Variants in MAP1A observed in about 807,000 individuals in gnomAD.
The protein encoded by MAP1A is microtubule-associated protein 1A.
A neutral mutation model predicts 185.9 loss-of-function variants in MAP1A; 42 were observed. That is an observed-to-expected ratio of 0.23 (90% CI 0.18 to 0.29). MAP1A has a LOEUF of 0.29. MAP1A is among the 10% of genes least tolerant of loss of function. The pLI, the probability that MAP1A is intolerant of heterozygous loss-of-function variation, is 1.00. For synonymous variants in MAP1A, 1,229 were observed against 1,335.9 expected (o/e 0.92, Z 1.74); for missense variants, 2,995 against 3,450.4 (o/e 0.87, Z 3.31).
In MAP1A at chr15:43,527,426, A is replaced by C; in HGVS notation, c.5953A>C (p.Thr1985Pro). The C allele has an allele frequency of 6.2e-7, 1 of 1,614,160 alleles. No homozygotes were observed. Among genetic ancestry groups the C allele is most frequent in the South Asian group, 1.1e-5 (1 of 91,084 alleles). ...TACTGGGCTTGGCCCTGCATGCCCC[A>C]CTAGAGAGCCTCCACTTGGAGCAGC... ...MLTGLGPACP[T>P]REPPLGAAGD... Residue 1985 changes from threonine to proline, a missense_variant, in exon 4 of 6, where the codon ACT (threonine) becomes CCT (proline). Coordinates refer to ENST00000300231, the MANE Select transcript of MAP1A (RefSeq NM_002373.6).
Position 43,521,714 on chromosome 15 carries a change from C to T in MAP1A, c.241C>T (p.Arg81Cys), listed in dbSNP as rs755992148. 11 of 1,614,032 alleles carry T rather than the reference C, an allele frequency of 6.8e-6. No individual in the cohort carries two copies. Among genetic ancestry groups the T allele is most frequent in the Admixed American group, 5.0e-5 (3 of 59,990 alleles). Reference sequence around the variant, plus strand: ...TTGGAAGCTGGTACGGCACTTGGACCGCATTGACTCGGTGCTACTCACACA... The same window carrying T: ...TTGGAAGCTGGTACGGCACTTGGACTGCATTGACTCGGTGCTACTCACACA... ...CFWKLVRHLD[R>C]IDSVLLTHIG... The change falls in exon 4 of 6, where the codon CGC becomes TGC. Residue 81 changes from arginine to cysteine, a missense_variant. By Grantham distance (180) the Arg-to-Cys change is radical (BLOSUM62 -3). Coordinates refer to ENST00000300231, the MANE Select transcript of MAP1A (RefSeq NM_002373.6). The surrounding 1 kb of genome is among the most constrained non-coding windows in gnomAD (Gnocchi z 4.6).
rs2079360096 is a variant in MAP1A, at chr15:43,529,127, C to T, written c.7654C>T (p.His2552Tyr). The change falls in exon 4 of 6, where the codon CAC (histidine) becomes TAC (tyrosine). Residue 2552 changes from histidine (H) to tyrosine (Y), a missense_variant. Physicochemically the swap from His to Tyr is moderately conservative, Grantham distance 83 (BLOSUM62 2). Around this residue, in one of 3 missense-constraint regions of MAP1A, gnomAD observed 2,728 missense variants for 2,986.0 expected, o/e 0.91. Transcript: ENST00000300231. This position sits in a 1 kb window ranked among gnomAD's most constrained non-coding sequence, Gnocchi z 4.3. ...VDKAGGVSGT[H>Y]HPRPGHDPPP... ...CAAAGCTGGGGGTGTCAGTGGTACT[C>T]ACCACCCCAGGCCTGGCCATGACCC... 1.2e-6 allele frequency: 2 copies of T among 1,613,488 alleles called. No homozygotes were observed. The highest frequency in any genetic ancestry group is 1.6e-4 in the Middle Eastern group (1 of 6,062).
chr15:43,524,866 ACCT>A lies in MAP1A; in HGVS notation c.3395_3397del (p.Pro1132del). On this transcript the variant is annotated inframe_deletion, in exon 4 of 6. Coordinates refer to ENST00000300231, the MANE Select transcript of MAP1A (RefSeq NM_002373.6). ...GGACTTTACCCCAAGAACCTGGCAA[ACCT>A]CAGAAAGATGAGGTGCTCAGATATC... The A allele has an allele frequency of 6.2e-7, 1 of 1,614,158 alleles. No individual in the cohort carries two copies. Among genetic ancestry groups the A allele is most frequent in the Non-Finnish European group, 8.5e-7 (1 of 1,180,036 alleles).
Position 43,527,281 on chromosome 15 carries a change from G to A in MAP1A, c.5808G>A (p.Glu1936=), listed in dbSNP as rs1595650392. The change falls in exon 4 of 6, where the codon GAG becomes GAA. Residue 1936 remains glutamate, a synonymous_variant. Transcript: ENST00000300231. ...GCTCACACAGCTCAAAGGTACCAGA[G>A]GCCAGCAAAAGCCATGCCACCACGG... The part of the protein sequence containing the change: ...DKSSHSSKVP[E]ASKSHATTEP... 8 of 1,614,176 alleles carry A rather than the reference G, an allele frequency of 5.0e-6. No individual in the cohort carries two copies. The East Asian group carries it at 1.8e-4, about 36-fold the overall frequency.
At chr15:43,512,288 A>G (rs1206828469) in exon 2 of MAP1A, 2 of 1,529,716 alleles carry the variant, frequency 1.3e-6, no homozygotes, top group South Asian at 1.2e-5. Flanking sequence ...CTCAGAGGTC[A>G]AAGGTTAGGA....
intron 1 of MAP1A, 86 bp downstream of exon 1, chr15:43,517,786 C>A: frequency 3.2e-6 from 1 of 307,880 alleles, no homozygotes; most frequent in Non-Finnish European, 4.8e-6. Context: ...GTGCTGGTAC[C>A]TAATCTGGCA....
Position 43,524,226 on chromosome 15 carries a change from C to A in MAP1A, c.2753C>A (p.Thr918Asn). 1 of 1,614,178 alleles carries A rather than the reference C, an allele frequency of 6.2e-7. No homozygotes were observed. The highest frequency in any genetic ancestry group is 8.5e-7 in the Non-Finnish European group (1 of 1,180,024). Residue 918 changes from threonine (T) to asparagine (N), a missense_variant, in exon 4 of 6, where the codon ACT becomes AAT. By Grantham distance (65) the Thr-to-Asn change is moderately conservative (BLOSUM62 0). Around this residue, in one of 3 missense-constraint regions of MAP1A, gnomAD observed 2,728 missense variants for 2,986.0 expected, o/e 0.91. Coordinates refer to ENST00000300231, the MANE Select transcript of MAP1A (RefSeq NM_002373.6). ...KSPPCEDFSVTGESEKRGEII... is the reference protein window; with the variant it reads ...KSPPCEDFSVNGESEKRGEII... ...CCACCCTGTGAGGACTTCTCTGTGA[C>A]TGGGGAGTCAGAGAAGAGAGGAGAG...
upstream of MAP1A, among the ~76,000 whole-genome samples, chr15:43,515,260 G>A (rs545766368): frequency 7.9e-5 from 12 of 152,168 alleles, no homozygotes; most frequent in South Asian, 6.2e-4. Context: ...GGAGGCCTTC[G>A]GTCTGACTCT....
At position 43,524,590 on chromosome 15, in the gene MAP1A, G is replaced by A. The variant is rs908658550; in HGVS notation, c.3117G>A (p.Val1039=). Residue 1039 remains valine, a synonymous_variant, in exon 4 of 6, where the codon GTG becomes GTA. Coordinates refer to ENST00000300231, the MANE Select transcript of MAP1A (RefSeq NM_002373.6). The part of the protein sequence containing the change: ...SWGDTKRTPG[V]GKEDAAEETV... Reference sequence around the variant, plus strand: ...GAGACACTAAGCGCACACCAGGTGTGGGCAAAGAAGATGCTGCTGAGGAGA... The same window carrying A: ...GAGACACTAAGCGCACACCAGGTGTAGGCAAAGAAGATGCTGCTGAGGAGA... The A allele has an allele frequency of 6.2e-7, 1 of 1,614,006 alleles. No individual in the cohort carries two copies. The highest frequency in any genetic ancestry group is 1.3e-5 in the African/African-American group (1 of 74,916).
At chr15:43,519,881 T>C (rs1321457035) in intron 1 of MAP1A, among the ~76,000 whole-genome samples, 1 of 152,156 alleles carries the variant, frequency 6.6e-6, no homozygotes, top group Admixed American at 6.5e-5. Flanking sequence ...GAATAGGTTG[T>C]GGGGTAGTGA....
At position 43,521,156 on chromosome 15, in the gene MAP1A, A is replaced by T. The variant is rs2079317710; in HGVS notation, c.-151+44A>T. 2 of 1,521,492 alleles carry T rather than the reference A, an allele frequency of 1.3e-6. No individual in the cohort carries two copies. The highest frequency in any genetic ancestry group is 4.1e-5 in the Admixed American group (2 of 48,270). 94.2% of individuals were successfully genotyped at this position (1,521,492 alleles called of 1,614,324 possible). A position where few individuals can be genotyped will look rare whatever the true frequency, so the allele number is the denominator to read the frequency against. ...TGTCTGGGAGAAAGGGTAGCACTAG[A>T]GCTGTGGGAGGGATCTAAGGGAAAG... On this transcript the variant is annotated intron_variant, in intron 3 of 5. Transcript: ENST00000300231. This position sits in a 1 kb window ranked among gnomAD's most constrained non-coding sequence, Gnocchi z 4.6.
rs2079284482 is a variant in MAP1A at position 43,512,315 on chromosome 15, GT to G, written c.340+25del. ...AGGTTAGGACTAATGTTTTATTTCAGTCCTTTGGGTAAGAGCTGGTCACAGA... is the reference window on the plus strand; with the variant it reads ...AGGTTAGGACTAATGTTTTATTTCAGCCTTTGGGTAAGAGCTGGTCACAGA... On this transcript the variant is annotated intron_variant, in intron 2 of 6. Transcript: ENST00000382031. The G allele has an allele frequency of 1.4e-6, 2 of 1,470,594 alleles. 1 individual carries two copies. Among genetic ancestry groups the G allele is most frequent in the African/African-American group, 2.8e-5 (2 of 71,284 alleles). The allele number at this position is 1,470,594 out of a possible 1,614,324, so 91.1% of individuals were successfully genotyped here.
At position 43,523,103 on chromosome 15, in the gene MAP1A, G is replaced by T. The variant is rs1330228652; in HGVS notation, c.1630G>T (p.Ala544Ser). 1 of 1,614,080 alleles carries T rather than the reference G, an allele frequency of 6.2e-7. No individual in the cohort carries two copies. The highest frequency in any genetic ancestry group is 8.5e-7 in the Non-Finnish European group (1 of 1,180,042). ...TGAGGAGATGAAGCGTGAGGAGAGG[G>T]CTTTGCTGGCTGAACAAAGGGACAC... ...DFEEMKREER[A>S]LLAEQRDTGL... The change falls in exon 4 of 6, where the codon GCT becomes TCT. Residue 544 changes from alanine to serine, a missense_variant. Ala to Ser is a moderately conservative substitution (Grantham distance 99). Around this residue, in one of 3 missense-constraint regions of MAP1A, gnomAD observed 2,728 missense variants for 2,986.0 expected, o/e 0.91. Transcript: ENST00000300231.
Position 43,527,304 on chromosome 15 carries a change from C to G in MAP1A, c.5831C>G (p.Thr1944Arg). The G allele has an allele frequency of 6.2e-7, 1 of 1,614,180 alleles. No individual in the cohort carries two copies. Among genetic ancestry groups the G allele is most frequent in the Non-Finnish European group, 8.5e-7 (1 of 1,180,016 alleles). Reference sequence around the variant, plus strand: ...GAGGCCAGCAAAAGCCATGCCACCACGGAGCCTGAGCAGACTGAGCCGGAG... The same window carrying G: ...GAGGCCAGCAAAAGCCATGCCACCAGGGAGCCTGAGCAGACTGAGCCGGAG... Reference protein sequence around the residue: ...VPEASKSHATTEPEQTEPEQR... With the variant: ...VPEASKSHATREPEQTEPEQR... Residue 1944 changes from threonine (T) to arginine (R), a missense_variant, in exon 4 of 6, where the codon ACG becomes AGG. Thr to Arg is a moderately conservative substitution (Grantham distance 71). This residue lies in a region of MAP1A where 2,728 missense variants were observed against 2,986.0 expected (regional missense o/e 0.91). Coordinates refer to ENST00000300231, the MANE Select transcript of MAP1A (RefSeq NM_002373.6).
rs745803220 is a variant in MAP1A at position 43,525,642 on chromosome 15, A to C, written c.4169A>C (p.Lys1390Thr). The C allele has an allele frequency of 6.2e-7, 1 of 1,614,230 alleles. No homozygotes were observed. The highest frequency in any genetic ancestry group is 2.2e-5 in the East Asian group (1 of 44,890). Reference sequence around the variant, plus strand: ...CCGAAGGATACAGCCATCTATCAGAAAGATGAGGCTCTGCATGTAAAGAAT... The same window carrying C: ...CCGAAGGATACAGCCATCTATCAGACAGATGAGGCTCTGCATGTAAAGAAT... ...VEPKDTAIYQ[K>T]DEALHVKNEA... is the part of the protein sequence containing the mutation. The change falls in exon 4 of 6, where the codon AAA (lysine) becomes ACA (threonine). Residue 1390 changes from lysine (K) to threonine (T), a missense_variant. Physicochemically the swap from Lys to Thr is moderately conservative, Grantham distance 78 (BLOSUM62 -1). This residue lies in a region of MAP1A where 2,728 missense variants were observed against 2,986.0 expected (regional missense o/e 0.91). Coordinates refer to ENST00000300231, the MANE Select transcript of MAP1A (RefSeq NM_002373.6).
upstream of MAP1A, among the ~76,000 whole-genome samples, chr15:43,516,580 C>T (rs1297084759): frequency 6.6e-6 from 1 of 152,140 alleles, no homozygotes; most frequent in Non-Finnish European, 1.5e-5. Flanking sequence ...TGCTACCACT[C>T]TCCAGATTCT....
chr15:43,527,471 C>T lies in MAP1A; in HGVS notation c.5998C>T (p.Leu2000Phe), dbSNP rs2079350053. 1 of 1,614,090 alleles carries T rather than the reference C, an allele frequency of 6.2e-7. No individual in the cohort carries two copies. The highest frequency in any genetic ancestry group is 1.6e-4 in the Middle Eastern group (1 of 6,062). The change falls in exon 4 of 6, where the codon CTC (leucine) becomes TTC (phenylalanine). Residue 2000 changes from leucine to phenylalanine, a missense_variant. Physicochemically the swap from Leu to Phe is conservative, Grantham distance 22. Coordinates refer to ENST00000300231, the MANE Select transcript of MAP1A (RefSeq NM_002373.6). ...AGCAGCTGGGGATTGGCCCCCATGC[C>T]TCTCAACCAAGGAGGCAGCTGCCGG... ...LGAAGDWPPC[L>F]STKEAAAGRN...
In MAP1A at chr15:43,528,681, C is replaced by T; in HGVS notation, c.7208C>T (p.Pro2403Leu). 1.9e-6 allele frequency: 3 copies of T among 1,613,798 alleles called. No individual in the cohort carries two copies. The highest frequency in any genetic ancestry group is 2.5e-6 in the Non-Finnish European group (3 of 1,179,988). ...WPEGAERSSRPDTLLSPEQPV... is the reference protein window; with the variant it reads ...WPEGAERSSRLDTLLSPEQPV... ...GAAGGAGCTGAGAGGAGCTCCCGGC[C>T]TGACACATTGCTCTCCCCTGAGCAG... The change falls in exon 4 of 6, where the codon CCT (proline) becomes CTT (leucine). Residue 2403 changes from proline (P) to leucine (L), a missense_variant. By Grantham distance (98) the Pro-to-Leu change is moderately conservative (BLOSUM62 -3). Transcript: ENST00000300231.
chr15:43,529,293 G>C lies in MAP1A; in HGVS notation c.7820G>C (p.Arg2607Pro), dbSNP rs1299087230. 6.2e-7 allele frequency: 1 copy of C among 1,613,852 alleles called. No homozygotes were observed. Among genetic ancestry groups the C allele is most frequent in the African/African-American group, 1.3e-5 (1 of 74,896 alleles). ...GAAAAGGTTCAGGGGCGAGTAGGGC[G>C]CAGGGCCCCAGGCAAGGCCAAGCCA... ...EKEKVQGRVG[R>P]RAPGKAKPAS... Residue 2607 changes from arginine to proline, a missense_variant, in exon 4 of 6, where the codon CGC becomes CCC. By Grantham distance (103) the Arg-to-Pro change is moderately radical. Transcript: ENST00000300231. The surrounding 1 kb of genome is among the most constrained non-coding windows in gnomAD (Gnocchi z 4.3).
Sources: gnomAD v4.1 joint callset for allele counts (sites outside exome capture counted in the v4.1 genomes callset) on GRCh38, gnomAD v4.1.1 for gene constraint, gnomAD v4.1.1 regional missense constraint, Gnocchi (gnomAD v3.1) non-coding constraint, MANE v1.5 for transcripts, NCBI Gene and HGNC (gene_info 2026-07-23, HGNC 2026-07-21) for gene names.